Variants in PRPF31 observed in about 807,000 individuals in gnomAD.
PRPF31 encodes pre-mRNA processing factor 31, also known as U4/U6 small nuclear ribonucleoprotein Prp31.
PRPF31 carries 12 observed loss-of-function variants against 60.4 expected under a neutral mutation model. The ratio of observed to expected loss-of-function variants is 0.20; its 90% CI spans 0.13 to 0.32. The LOEUF is 0.32. PRPF31 is among the 10% of genes least tolerant of loss of function. PRPF31 has a pLI of 1.00. For synonymous variants in PRPF31, 287 were observed against 287.9 expected (o/e 1.00, Z 0.03); for missense variants, 431 against 687.1 (o/e 0.63, Z 4.17).
rs2146409053 is a variant in PRPF31, at chr19:54,121,826, A to C, written c.239-34A>C. The C allele has an allele frequency of 1.9e-6, 3 of 1,581,038 alleles. 1 individual carries two copies. Among genetic ancestry groups the C allele is most frequent in the Middle Eastern group, 3.3e-4 (2 of 6,032 alleles). On this transcript the variant is annotated intron_variant, in intron 3 of 13. Transcript: ENST00000321030. ...GGGACCCGAGAGGGGGTAGGGATTTAGATACTCACACCCATGCCTCCGTGT... is the reference window on the plus strand; with the variant it reads ...GGGACCCGAGAGGGGGTAGGGATTTCGATACTCACACCCATGCCTCCGTGT...
Position 54,118,371 on chromosome 19 carries a change from G to T in PRPF31, c.93G>T (p.Ala31=), listed in dbSNP as rs921655639. The change falls in exon 2 of 14, where the codon GCG becomes GCT. Residue 31 remains alanine, a synonymous_variant. Coordinates refer to ENST00000321030, the MANE Select transcript of PRPF31 (RefSeq NM_015629.4). The stretch of plus-strand genomic sequence containing the variant: ...ATGGGGAGGAAGAAGAGGAGCCAGC[G>T]ATCGAGGATGTGCAGGAGGAGACAC... ...GSYGEEEEEP[A]IEDVQEETQL... 3.1e-6 allele frequency: 5 copies of T among 1,614,082 alleles called. No individual in the cohort carries two copies. Among genetic ancestry groups the T allele is most frequent in the Non-Finnish European group, 4.2e-6 (5 of 1,180,014 alleles).
intron 13 of PRPF31, among the ~76,000 whole-genome samples, chr19:54,130,012 G>A (rs1050945758): frequency 3.9e-5 from 6 of 152,166 alleles, no homozygotes; most frequent in Non-Finnish European, 7.3e-5. Context: ...GTGGGTGGCC[G>A]GGCGCAGACA....
At position 54,131,616 on chromosome 19, in the gene PRPF31, C is replaced by A; in HGVS notation, c.*184C>A. On this transcript the variant is annotated 3_prime_UTR_variant, in exon 14 of 14. Coordinates refer to ENST00000321030, the MANE Select transcript of PRPF31 (RefSeq NM_015629.4). ...CCTCCCCCAGGACCGAGATCACCGC[C>A]CAGTATGGGCTAGAGCAGGTCTTCA... 1 of 828,868 alleles carries A rather than the reference C, an allele frequency of 1.2e-6. No homozygotes were observed. The highest frequency in any genetic ancestry group is 2.0e-6 in the Non-Finnish European group (1 of 511,628). The allele number at this position is 828,868 out of a possible 1,614,324, so 51.3% of individuals were successfully genotyped here. A position where few individuals can be genotyped will look rare whatever the true frequency, so the allele number is the denominator to read the frequency against.
rs587701106 is a variant in PRPF31 at position 54,120,700 on chromosome 19, T to C, written c.239-1160T>C. On this transcript the variant is annotated intron_variant, in intron 3 of 13. Transcript: ENST00000321030. ...ATCCCAGCTCACTGCAGCCTTGACC[T>C]TGTGGGCTCAGGCGTTCCTGCCTCA... Among the ~76,000 whole-genome samples, 7 of 152,310 alleles carry C rather than the reference T, an allele frequency of 4.6e-5. No individual in the cohort carries two copies. The East Asian group carries it at 1.2e-3, about 25-fold the overall frequency.
chr19:54,131,703 C>A lies in PRPF31; in HGVS notation c.*271C>A. On this transcript the variant is annotated 3_prime_UTR_variant, in exon 14 of 14. Transcript: ENST00000321030. ...TTTGAAAAGAGTACAATTAAAAGGA[C>A]ATTGTCAAGATCTGTCCTTGGGGAG... 1.8e-6 allele frequency: 1 copy of A among 558,374 alleles called. No individual in the cohort carries two copies. Among genetic ancestry groups the A allele is most frequent in the Non-Finnish European group, 3.2e-6 (1 of 310,672 alleles). 34.6% of individuals were successfully genotyped at this position (558,374 alleles called of 1,614,324 possible).
intron 8 of PRPF31, among the ~76,000 whole-genome samples, chr19:54,126,105 C>CCTGGCCACATG (rs1480347819): frequency 1.3e-5 from 2 of 152,226 alleles, no homozygotes; most frequent in Non-Finnish European, 2.9e-5. Context: ...TGGCTGTCTC[C>CCTGGCCACATG]CTGGCCACAT....
Position 54,131,377 on chromosome 19 carries a change from G to A in PRPF31, c.1445G>A (p.Ser482Asn). 4 of 1,614,102 alleles carry A rather than the reference G, an allele frequency of 2.5e-6. No individual in the cohort carries two copies. The highest frequency in any genetic ancestry group is 3.4e-6 in the Non-Finnish European group (4 of 1,180,018). Reference protein sequence around the residue: ...VAEANQKYFSSMAEFLKVKGE... With the variant: ...VAEANQKYFSNMAEFLKVKGE... ...GAGGCCAACCAGAAGTATTTCTCCA[G>A]CATGGCTGAGTTCCTCAAGGTCAAG... The change falls in exon 14 of 14, where the codon AGC becomes AAC. Residue 482 changes from serine (S) to asparagine (N), a missense_variant. By Grantham distance (46) the Ser-to-Asn change is conservative. This residue lies in a region of PRPF31 where 314 missense variants were observed against 475.3 expected (regional missense o/e 0.66). Transcript: ENST00000321030.
At position 54,122,576 on chromosome 19, in the gene PRPF31, T is replaced by C; in HGVS notation, c.402T>C (p.Asp134=). ...ELESLVPNAL[D]YIRTVKELGN... ...AGTCCTTGGTCCCCAATGCACTGGA[T>C]TACATCCGCACGGTCAAGGTGAGCG... is the stretch of plus-strand genomic sequence containing the variant. The change falls in exon 5 of 14, where the codon GAT becomes GAC. Residue 134 remains aspartate (D), a synonymous_variant. Coordinates refer to ENST00000321030, the MANE Select transcript of PRPF31 (RefSeq NM_015629.4). 3.7e-6 allele frequency: 6 copies of C among 1,614,068 alleles called. No individual in the cohort carries two copies. The highest frequency in any genetic ancestry group is 5.1e-6 in the Non-Finnish European group (6 of 1,179,906).
At position 54,126,415 on chromosome 19, in the gene PRPF31, G is replaced by C. The variant is rs905205639; in HGVS notation, c.856-113G>C. The C allele has an allele frequency of 4.2e-6, 4 of 962,340 alleles. No individual in the cohort carries two copies. The African/African-American group carries it at 6.5e-5, about 16-fold the overall frequency. The allele number at this position is 962,340 out of a possible 1,614,324, so 59.6% of individuals were successfully genotyped here. ...CACCTCTAGAGCCCAAGGGTGGAAA[G>C]CCCCCTTCCAGGACCCCAGGTAGAG... On this transcript the variant is annotated intron_variant, in intron 8 of 13. Transcript: ENST00000321030.
chr19:54,124,747 C>G, intron 8 of PRPF31, 91 bp downstream of exon 8: 1 of 1,448,108 alleles, frequency 6.9e-7, no homozygotes, highest in Non-Finnish European at 9.6e-7. Context: ...CCATCTGGCC[C>G]AGCTGACGGT....
Position 54,118,618 on chromosome 19 carries a change from G to A in PRPF31, c.223G>A (p.Ala75Thr). Residue 75 changes from alanine (A) to threonine (T), a missense_variant, in exon 3 of 14, where the codon GCC (alanine) becomes ACC (threonine). Ala to Thr is a moderately conservative substitution (Grantham distance 58). Around this residue, in one of 4 missense-constraint regions of PRPF31, gnomAD observed 113 missense variants for 173.8 expected, o/e 0.65. Coordinates refer to ENST00000321030, the MANE Select transcript of PRPF31 (RefSeq NM_015629.4). ...GATTGAGGAGTATATCAGCAAGCAAGCCAAAGCTTCAGAAGGTGCTTCCTC... is the reference window on the plus strand; with the variant it reads ...GATTGAGGAGTATATCAGCAAGCAAACCAAAGCTTCAGAAGGTGCTTCCTC... ...MKIEEYISKQ[A>T]KASEVMGPVE... 6.2e-7 allele frequency: 1 copy of A among 1,614,100 alleles called. No individual in the cohort carries two copies. Among genetic ancestry groups the A allele is most frequent in the Middle Eastern group, 1.7e-4 (1 of 6,060 alleles).
intron 7 of PRPF31, 112 bp downstream of exon 7, chr19:54,124,030 C>T (rs1376881380): frequency 6.5e-7 from 1 of 1,542,936 alleles, no homozygotes; most frequent in Non-Finnish European, 8.7e-7. Context: ...CCTCAGCACC[C>T]CGTCTCCCTG....
At chr19:54,126,168 G>C (rs1334890917) in intron 8 of PRPF31, among the ~76,000 whole-genome samples, 2 of 152,214 alleles carry the variant, frequency 1.3e-5, no homozygotes, top group East Asian at 3.9e-4. Context: ...GATCACACCA[G>C]CCCGATATTT....
chr19:54,127,490 C>G (rs587596467), intron 9 of PRPF31, among the ~76,000 whole-genome samples: 1 of 152,176 alleles, frequency 6.6e-6, no homozygotes, highest in Admixed American at 6.5e-5. Flanking sequence ...TAAAATCCTT[C>G]TTAACCTCTT....
chr19:54,123,700 C>T (rs771510707), intron 6 of PRPF31, 49 bp from the exon 7 acceptor site: 3 of 1,593,812 alleles, frequency 1.9e-6, no homozygotes, highest in Admixed American at 1.7e-5. Context: ...GGGCTGGGCA[C>T]ACCAGGCAGG....
rs587748886 is a variant in PRPF31, at chr19:54,128,511, C to G, written c.1146+134C>G. 9.0e-4 allele frequency: 809 copies of G among 900,962 alleles called. 5 individuals carry two copies. In the East Asian group the frequency reaches 0.017, roughly 19 times the overall value. The allele number at this position is 900,962 out of a possible 1,614,324, so 55.8% of individuals were successfully genotyped here. ...GGGCGCTGCCCCAGCCTCCCCCCCCCCGGCCTCTATTCTCGTTTCCATCCG... is the reference window on the plus strand; with the variant it reads ...GGGCGCTGCCCCAGCCTCCCCCCCCGCGGCCTCTATTCTCGTTTCCATCCG... On this transcript the variant is annotated intron_variant, in intron 11 of 13. Coordinates refer to ENST00000321030, the MANE Select transcript of PRPF31 (RefSeq NM_015629.4).
chr19:54,124,475 C>T (rs778804998), intron 7 of PRPF31, 24 bp from the exon 8 acceptor site: 16 of 1,583,430 alleles, frequency 1.0e-5, no homozygotes, highest in African/African-American at 1.3e-5. Flanking sequence ...ACCGCCCCCC[C>T]TTCCTCCCTC....
intron 1 of PRPF31, among the ~76,000 whole-genome samples, chr19:54,116,513 G>T (rs781755814): frequency 6.6e-6 from 1 of 152,288 alleles, no homozygotes; most frequent in African/African-American, 2.4e-5. Context: ...GCCTTTTACA[G>T]CCTGTTTACC....
intron 4 of PRPF31, chr19:54,122,280 C>T: frequency 3.0e-6 from 2 of 661,586 alleles, no homozygotes; most frequent in East Asian, 2.6e-5. Context: ...TCTTTAAGAA[C>T]ATGTCACTGC....
Sources: gnomAD v4.1 joint callset for allele counts (sites outside exome capture counted in the v4.1 genomes callset) on GRCh38, gnomAD v4.1.1 for gene constraint, gnomAD v4.1.1 regional missense constraint, MANE v1.5 for transcripts, NCBI Gene and HGNC (gene_info 2026-07-23, HGNC 2026-07-21) for gene names.